The following MSRA variants were observed in gnomAD, a reference collection of about 807,000 sequenced individuals.
MSRA encodes the protein mitochondrial peptide methionine sulfoxide reductase.
MSRA carries 54 observed loss-of-function variants against 31.3 expected under a neutral mutation model. The ratio of observed to expected loss-of-function variants is 1.73; its 90% CI spans 1.39 to 2.17. MSRA has a LOEUF of 2.17. Ranked by LOEUF, MSRA falls within the 30% of genes most tolerant of loss-of-function variation. MSRA has a pLI of 0.00. For missense variants in MSRA, 507 were observed against 300.9 expected, an observed-to-expected ratio of 1.69 and a Z score of -5.07; for synonymous variants, 169 against 116.5, an observed-to-expected ratio of 1.45 and a Z score of -2.90.
intron 2 of MSRA, among the ~76,000 whole-genome samples, chr8:10,223,665 A>G (rs1468880202): frequency 6.6e-6 from 1 of 152,218 alleles, no homozygotes; most frequent in Non-Finnish European, 1.5e-5. Flanking sequence ...CCAGAAGCCC[A>G]GACAGATACT....
intron 3 of MSRA, among the ~76,000 whole-genome samples, chr8:10,259,268 C>G (rs573711068): frequency 6.6e-6 from 1 of 152,092 alleles, no homozygotes. Flanking sequence ...TGGGCTGTAG[C>G]AAGGTGACAA....
At chr8:10,067,297 C>G (rs1321001118) in intron 1 of MSRA, among the ~76,000 whole-genome samples, 1 of 152,142 alleles carries the variant, frequency 6.6e-6, no homozygotes, top group Non-Finnish European at 1.5e-5. Context: ...CGGTTGGCTT[C>G]TTTCACTTAA....
chr8:10,131,399 G>A (rs4841283), intron 1 of MSRA, among the ~76,000 whole-genome samples: 8 of 152,232 alleles, frequency 5.3e-5, no homozygotes, highest in African/African-American at 1.9e-4. Context: ...TAGGATTTGG[G>A]CAGGTAGCAA....
At chr8:10,166,762 T>C (rs1370287205) in intron 1 of MSRA, among the ~76,000 whole-genome samples, 1 of 152,206 alleles carries the variant, frequency 6.6e-6, no homozygotes, top group Non-Finnish European at 1.5e-5. Context: ...TGCTTGTTGG[T>C]GGTTTTGCCC....
intron 5 of MSRA, among the ~76,000 whole-genome samples, chr8:10,325,705 G>C (rs945585053): frequency 6.6e-6 from 1 of 152,168 alleles, no homozygotes; most frequent in East Asian, 1.9e-4. Context: ...CAGTGCTTTA[G>C]CCTTTACCTT....
At chr8:10,384,420 G>A (rs988810320) in intron 5 of MSRA, among the ~76,000 whole-genome samples, 1 of 152,234 alleles carries the variant, frequency 6.6e-6, no homozygotes, top group African/African-American at 2.4e-5. Context: ...TGGGCCACAC[G>A]AAGCCTCTTG....
At chr8:10,227,579 G>A (rs1038720789) in intron 2 of MSRA, among the ~76,000 whole-genome samples, 1 of 152,122 alleles carries the variant, frequency 6.6e-6, no homozygotes, top group East Asian at 1.9e-4. Context: ...TATTCCCGGG[G>A]TTAAGGCTGA....
At chr8:10,338,840 C>G (rs1042418714) in intron 5 of MSRA, among the ~76,000 whole-genome samples, 14 of 152,146 alleles carry the variant, frequency 9.2e-5, no homozygotes, top group Admixed American at 9.2e-4. Context: ...GCAACCCTTG[C>G]CCTGATCACT....
intron 1 of MSRA, among the ~76,000 whole-genome samples, chr8:10,068,926 A>G (rs986350871): frequency 2.0e-5 from 3 of 152,188 alleles, no homozygotes; most frequent in Non-Finnish European, 2.9e-5. Flanking sequence ...CACATGGACT[A>G]TCTCTCCATT....
intron 5 of MSRA, among the ~76,000 whole-genome samples, chr8:10,398,995 G>T (rs867811231): frequency 6.6e-6 from 1 of 152,168 alleles, no homozygotes; most frequent in Non-Finnish European, 1.5e-5. Flanking sequence ...AAAGCCCGAG[G>T]ACTGGGTTCG....
chr8:10,287,548 A>T (rs1800001155), intron 3 of MSRA, among the ~76,000 whole-genome samples: 1 of 152,192 alleles, frequency 6.6e-6, no homozygotes, highest in Non-Finnish European at 1.5e-5. Context: ...TAAGTCCAGA[A>T]GTGGGGCCTC....
chr8:10,124,166 CCTT>C (rs1563123096), intron 1 of MSRA, among the ~76,000 whole-genome samples: 1 of 152,060 alleles, frequency 6.6e-6, no homozygotes, highest in African/African-American at 2.4e-5. Context: ...GGTTTCAAGA[CCTT>C]CTTTGGGGAC....
At chr8:10,185,666 A>C (rs1457143642) in intron 1 of MSRA, among the ~76,000 whole-genome samples, 1 of 152,214 alleles carries the variant, frequency 6.6e-6, no homozygotes, top group Non-Finnish European at 1.5e-5. Context: ...TTCAAGAGCC[A>C]GGCCCTGGTG....
intron 3 of MSRA, among the ~76,000 whole-genome samples, chr8:10,275,763 A>T (rs1182648419): frequency 6.6e-6 from 1 of 152,206 alleles, no homozygotes; most frequent in Non-Finnish European, 1.5e-5. Context: ...CAAAACAGGA[A>T]ACCTCAGTAC....
intron 5 of MSRA, among the ~76,000 whole-genome samples, chr8:10,404,132 G>A (rs1017572353): frequency 6.6e-6 from 1 of 152,054 alleles, no homozygotes; most frequent in Non-Finnish European, 1.5e-5. Context: ...GGTGCCCTCC[G>A]CATGTCACAA....
intron 3 of MSRA, among the ~76,000 whole-genome samples, chr8:10,295,237 A>T (rs1185264255): frequency 6.6e-6 from 1 of 152,122 alleles, no homozygotes; most frequent in Non-Finnish European, 1.5e-5. Flanking sequence ...TCAGCTGGGC[A>T]CCATGGCCTC....
intron 3 of MSRA, among the ~76,000 whole-genome samples, chr8:10,298,070 T>C (rs193252385): frequency 6.6e-6 from 1 of 152,294 alleles, no homozygotes; most frequent in East Asian, 1.9e-4. Flanking sequence ...TCCTCTTACG[T>C]CCTCACTGTT....
At chr8:10,205,556 G>C (rs974197624) in intron 1 of MSRA, among the ~76,000 whole-genome samples, 1 of 152,144 alleles carries the variant, frequency 6.6e-6, no homozygotes, top group East Asian at 1.9e-4. Context: ...GTGGGTTTCA[G>C]CTGGGCCATC....
At chr8:10,313,545 A>T (rs1024717554) in intron 4 of MSRA, among the ~76,000 whole-genome samples, 1 of 152,188 alleles carries the variant, frequency 6.6e-6, no homozygotes, top group Non-Finnish European at 1.5e-5. Context: ...GGAAGATCTA[A>T]TATTGGGTCT....
Sources: gnomAD v4.1 joint callset for allele counts (sites outside exome capture counted in the v4.1 genomes callset) on GRCh38, gnomAD v4.1.1 for gene constraint, MANE v1.5 for transcripts, NCBI Gene and HGNC (gene_info 2026-07-23, HGNC 2026-07-21) for gene names.